ANO1: variants seen among roughly 807,000 people sequenced by gnomAD.
The protein encoded by ANO1 is anoctamin 1.
In ANO1, 59 loss-of-function variants were observed where a neutral mutation model predicts 124.0. The observed-to-expected ratio is 0.48, with a 90% CI of 0.39 to 0.59. ANO1 has a LOEUF of 0.59. ANO1 is among the 20% of genes least tolerant of loss of function. The pLI is 0.00. For synonymous variants in ANO1, 529 were observed against 532.0 expected, an observed-to-expected ratio of 0.99 and a Z score of 0.08; for missense variants, 1,059 against 1,328.0, an observed-to-expected ratio of 0.80 and a Z score of 3.15.
chr11:70,019,514 G>C (rs1424638599), intron 1 of ANO1, among the ~76,000 whole-genome samples: 1 of 151,956 alleles, frequency 6.6e-6, no homozygotes, highest in African/African-American at 2.4e-5. Flanking sequence ...GCAGGAGCCG[G>C]CTCACCCAAT....
intron 1 of ANO1, among the ~76,000 whole-genome samples, chr11:70,027,233 T>C (rs1856923364): frequency 1.3e-5 from 2 of 152,220 alleles, no homozygotes; most frequent in Admixed American, 6.5e-5. Flanking sequence ...CAAAAATGCA[T>C]TGAGTATGCC....
At chr11:70,186,096 G>A (rs2049106973) in intron 25 of ANO1, among the ~76,000 whole-genome samples, 1 of 152,092 alleles carries the variant, frequency 6.6e-6, no homozygotes, top group Non-Finnish European at 1.5e-5. Flanking sequence ...GACCAGCCTG[G>A]CCAACATGGT....
intron 1 of ANO1, among the ~76,000 whole-genome samples, chr11:70,049,905 G>C (rs1245941196): frequency 6.6e-6 from 1 of 152,184 alleles, no homozygotes; most frequent in Non-Finnish European, 1.5e-5. Flanking sequence ...ATTTTTAGTA[G>C]AGACAGGGTT....
intron 6 of ANO1, chr11:70,111,284 G>C (rs576374995): frequency 4.3e-6 from 2 of 465,082 alleles, no homozygotes; most frequent in South Asian, 3.3e-5. Context: ...TTTTCCATCC[G>C]TATATTTCCT....
At chr11:70,103,907 G>A in intron 3 of ANO1, 92 bp from the exon 4 acceptor site, 2 of 1,402,550 alleles carry the variant, frequency 1.4e-6, no homozygotes, top group East Asian at 2.5e-5. Context: ...GTTGCATGGG[G>A]TGGGATGGTT....
intron 1 of ANO1, among the ~76,000 whole-genome samples, chr11:70,081,501 T>TC (rs1344678926): frequency 3.3e-5 from 5 of 152,240 alleles, no homozygotes; most frequent in Admixed American, 3.3e-4. Flanking sequence ...AAACTGATGT[T>TC]CCCTTCTTAA....
intron 1 of ANO1, among the ~76,000 whole-genome samples, chr11:70,019,298 TACACACATGCCATGCACATGC>T (rs1856759493): frequency 7.6e-6 from 1 of 130,724 alleles, no homozygotes; most frequent in Non-Finnish European, 1.6e-5. Context: ...CAACCCACGC[TACACACATGCCATGCACATGC>T]ACACACACGC....
intron 5 of ANO1, among the ~76,000 whole-genome samples, chr11:70,106,845 A>G (rs571402478): frequency 6.6e-6 from 1 of 152,108 alleles, no homozygotes; most frequent in Non-Finnish European, 1.5e-5. Context: ...CCAGTGTGCA[A>G]GTGGATAGGA....
chr11:70,155,857 G>C, intron 14 of ANO1, 54 bp from the exon 15 acceptor site: 1 of 1,484,566 alleles, frequency 6.7e-7, no homozygotes, highest in African/African-American at 1.4e-5. Flanking sequence ...CGCGGTCTGC[G>C]GTGCCGCCTC....
At chr11:70,136,467 GTCCT>G (rs2046959675) in intron 11 of ANO1, among the ~76,000 whole-genome samples, 1 of 118,384 alleles carries the variant, frequency 8.4e-6, no homozygotes, top group Non-Finnish European at 2.0e-5. Context: ...CCTGGCCTCA[GTCCT>G]GATTTAAATG....
intron 11 of ANO1, 97 bp downstream of exon 11, chr11:70,132,176 AGGGGTTGTC>A: frequency 7.0e-7 from 1 of 1,425,312 alleles, no homozygotes; most frequent in African/African-American, 1.4e-5. Context: ...ATCCTCAGGC[AGGGGTTGTC>A]GGGAAAAAAC....
At chr11:69,981,320 T>C (rs1855957707), upstream of ANO1, among the ~76,000 whole-genome samples, 1 of 152,234 alleles carries the variant, frequency 6.6e-6, no homozygotes, top group East Asian at 1.9e-4. Context: ...TCTGAGCCTC[T>C]GATTCCTTAT....
chr11:70,168,166 C>G (rs933554240), intron 21 of ANO1, among the ~76,000 whole-genome samples: 1 of 152,188 alleles, frequency 6.6e-6, no homozygotes. Flanking sequence ...CTGACCTGGT[C>G]ACTTACCTCT....
At chr11:69,982,047 G>C (rs1209570892), upstream of ANO1, among the ~76,000 whole-genome samples, 1 of 152,186 alleles carries the variant, frequency 6.6e-6, no homozygotes, top group African/African-American at 2.4e-5. Context: ...GATGGGGAGT[G>C]ACTGCTAGCG....
chr11:70,042,819 A>T (rs1857204284), intron 1 of ANO1, among the ~76,000 whole-genome samples: 1 of 152,214 alleles, frequency 6.6e-6, no homozygotes, highest in South Asian at 2.1e-4. Flanking sequence ...TGCCCTATCA[A>T]AGTGTAGGAG....
At chr11:70,001,797 G>T (rs928825780) in intron 1 of ANO1, among the ~76,000 whole-genome samples, 2 of 144,962 alleles carry the variant, frequency 1.4e-5, no homozygotes, top group East Asian at 4.4e-4. Context: ...GTGTGTGTGT[G>T]TTTTGTTTTT....
At chr11:69,989,655 G>A (rs1856116649) in intron 1 of ANO1, among the ~76,000 whole-genome samples, 1 of 152,144 alleles carries the variant, frequency 6.6e-6, no homozygotes, top group African/African-American at 2.4e-5. Flanking sequence ...AGGGACCTGA[G>A]CTGACTTGGG....
rs201845370 is a variant in ANO1, at chr11:70,187,849, C to A, written c.2806C>A (p.Arg936=). The change falls in exon 26 of 26, where the codon CGG becomes AGG. Residue 936 remains arginine (R), a synonymous_variant. Transcript: ENST00000355303. ...EKVLMVELFM[R]EEQDKQQLLE... The stretch of plus-strand genomic sequence containing the variant: ...GGTGCTCATGGTGGAGCTGTTCATG[C>A]GGGAGGAGCAAGACAAGCAGCAGCT... 8.1e-6 allele frequency: 13 copies of A among 1,608,078 alleles called. No individual in the cohort carries two copies. In the African/African-American group the frequency reaches 1.5e-4, roughly 18 times the overall value.
chr11:69,991,940 C>T (rs1554997558), intron 1 of ANO1, among the ~76,000 whole-genome samples: 1 of 152,224 alleles, frequency 6.6e-6, no homozygotes, highest in Non-Finnish European at 1.5e-5. Flanking sequence ...TCCCTCTGTG[C>T]TGATGCCATG....
Sources: allele counts gnomAD v4.1 joint callset (sites outside exome capture counted in the v4.1 genomes callset), GRCh38; gene constraint gnomAD v4.1.1; transcripts MANE v1.5; gene names NCBI Gene and HGNC (gene_info 2026-07-23, HGNC 2026-07-21).